MARCHF11: variants seen among roughly 807,000 people sequenced by gnomAD.
MARCHF11 encodes membrane associated ring-CH-type finger 11.
Under a neutral mutation model 37.3 loss-of-function variants are expected in MARCHF11, and 29 were observed. The ratio of observed to expected loss-of-function variants is 0.78; its 90% CI spans 0.58 to 1.06. The LOEUF (loss-of-function observed/expected upper bound fraction) is 1.06. Ranked by LOEUF, MARCHF11 falls within the 50% of genes least tolerant of loss-of-function variation. MARCHF11 has a pLI of 0.00. For synonymous variants in MARCHF11, 233 were observed against 228.0 expected (o/e 1.02, Z -0.20); for missense variants, 482 against 533.4 (o/e 0.90, Z 0.95).
chr5:16,103,721 C>T (rs1466944850), intron 2 of MARCHF11, among the ~76,000 whole-genome samples: 1 of 152,148 alleles, frequency 6.6e-6, no homozygotes, highest in East Asian at 1.9e-4. Flanking sequence ...TGTGTCAATT[C>T]CAAACACAGA....
intron 2 of MARCHF11, among the ~76,000 whole-genome samples, chr5:16,117,010 A>G (rs1049171092): frequency 6.6e-6 from 1 of 152,330 alleles, no homozygotes; most frequent in Non-Finnish European, 1.5e-5. Context: ...CATGCTGGAG[A>G]TTTTAATTTT....
chr5:16,161,991 T>C (rs149075207), intron 2 of MARCHF11, among the ~76,000 whole-genome samples: 1 of 152,170 alleles, frequency 6.6e-6, no homozygotes, highest in Admixed American at 6.6e-5. Context: ...TTTTCACTTG[T>C]TGTATTATCA....
chr5:16,164,301 T>G (rs1040502891), intron 2 of MARCHF11, among the ~76,000 whole-genome samples: 2 of 152,070 alleles, frequency 1.3e-5, no homozygotes, highest in African/African-American at 4.8e-5. Context: ...AACAGACAAC[T>G]CAACAGTAAT....
At chr5:16,126,332 G>A (rs1296706148) in intron 2 of MARCHF11, among the ~76,000 whole-genome samples, 1 of 152,286 alleles carries the variant, frequency 6.6e-6, no homozygotes, top group East Asian at 1.9e-4. Flanking sequence ...GAGGCAACAT[G>A]CCAAGAATGT....
intron 2 of MARCHF11, among the ~76,000 whole-genome samples, chr5:16,155,904 G>A (rs560009396): frequency 1.1e-3 from 166 of 152,014 alleles, no homozygotes; most frequent in African/African-American, 3.6e-3. Context: ...GTCAGCCTGT[G>A]AAACTGCACT....
chr5:16,137,440 C>T (rs1264638594), intron 2 of MARCHF11, among the ~76,000 whole-genome samples: 1 of 152,206 alleles, frequency 6.6e-6, no homozygotes, highest in Non-Finnish European at 1.5e-5. Context: ...ATGCAGCCTC[C>T]CCTGCCATGT....
At chr5:16,069,465 A>G (rs2126541927) in intron 3 of MARCHF11, among the ~76,000 whole-genome samples, 1 of 152,248 alleles carries the variant, frequency 6.6e-6, no homozygotes, top group African/African-American at 2.4e-5. Context: ...TTAATGCTCA[A>G]CATATTATTC....
chr5:16,179,149 A>T lies in MARCHF11; in HGVS notation c.427T>A (p.Ser143Thr). ...RGAGDQPETR[S>T]VCSSRSSSSG... ...CTGCTGCTGCGGCTGCTGCACACCGAGCGCGTCTCGGGCTGGTCTCCGGCG... is the reference window on the plus strand; with the variant it reads ...CTGCTGCTGCGGCTGCTGCACACCGTGCGCGTCTCGGGCTGGTCTCCGGCG... The change falls in exon 1 of 4, where the codon TCG becomes ACG. Residue 143 changes from serine to threonine, a missense_variant. Physicochemically the swap from Ser to Thr is moderately conservative, Grantham distance 58. Coordinates refer to ENST00000332432, the MANE Select transcript of MARCHF11 (RefSeq NM_001102562.3). 7 of 1,471,248 alleles carry T rather than the reference A, an allele frequency of 4.8e-6. No homozygotes were observed. Among genetic ancestry groups the T allele is most frequent in the Non-Finnish European group, 6.3e-6 (7 of 1,118,210 alleles). 91.1% of individuals were successfully genotyped at this position (1,471,248 alleles called of 1,614,324 possible). A position where few individuals can be genotyped will look rare whatever the true frequency, so the allele number is the denominator to read the frequency against.
chr5:16,160,444 C>A lies in MARCHF11; in HGVS notation c.693+17282G>T, dbSNP rs1738056062. Among the ~76,000 whole-genome samples the A allele has an allele frequency of 3.5e-5, 5 of 142,998 alleles. No individual in the cohort carries two copies. In the South Asian group the frequency reaches 6.6e-4, roughly 19 times the overall value. The allele number at this position is 142,998 out of a possible 152,430, so 93.8% of individuals were successfully genotyped here. On this transcript the variant is annotated intron_variant, in intron 2 of 3. Transcript: ENST00000332432. ...TATTTATAATAAAAATATAAAATAT[C>A]TTTTATATTTTAGAGATGTTTGCCA...
At chr5:16,166,030 T>C (rs1358494272) in intron 2 of MARCHF11, among the ~76,000 whole-genome samples, 1 of 152,126 alleles carries the variant, frequency 6.6e-6, no homozygotes, top group African/African-American at 2.4e-5. Context: ...TGTTTGATGA[T>C]TTATTTATAT....
At chr5:16,085,783 T>A (rs1358047677) in intron 3 of MARCHF11, among the ~76,000 whole-genome samples, 1 of 151,500 alleles carries the variant, frequency 6.6e-6, no homozygotes, top group African/African-American at 2.4e-5. Flanking sequence ...AAACCCCGTC[T>A]CTACTAAAAA....
At chr5:16,156,018 G>A (rs1269522070) in intron 2 of MARCHF11, among the ~76,000 whole-genome samples, 1 of 151,892 alleles carries the variant, frequency 6.6e-6, no homozygotes, top group East Asian at 1.9e-4. Flanking sequence ...GTTGAGATTA[G>A]CTTAAAGTAA....
intron 2 of MARCHF11, among the ~76,000 whole-genome samples, chr5:16,176,344 T>C (rs768094872): frequency 2.0e-5 from 3 of 152,170 alleles, no homozygotes; most frequent in Non-Finnish European, 2.9e-5. Flanking sequence ...ATAAAACTGT[T>C]GTAGATCCAA....
chr5:16,114,000 G>C (rs1353362726), intron 2 of MARCHF11, among the ~76,000 whole-genome samples: 3 of 152,038 alleles, frequency 2.0e-5, no homozygotes, highest in South Asian at 2.1e-4. Flanking sequence ...ACCTCTATGA[G>C]ATCAACTTTT....
intron 3 of MARCHF11, among the ~76,000 whole-genome samples, chr5:16,085,159 G>C (rs988402280): frequency 6.6e-6 from 1 of 152,016 alleles, no homozygotes; most frequent in Non-Finnish European, 1.5e-5. Context: ...ACTAAAAAGA[G>C]ACAAACTAAG....
intron 2 of MARCHF11, among the ~76,000 whole-genome samples, chr5:16,101,580 T>C (rs1315456242): frequency 1.3e-5 from 2 of 152,228 alleles, no homozygotes; most frequent in Non-Finnish European, 1.5e-5. Context: ...CTGCATGTGA[T>C]GCATTTTTAT....
chr5:16,122,803 AT>A (rs1452240169), intron 2 of MARCHF11, among the ~76,000 whole-genome samples: 2 of 152,170 alleles, frequency 1.3e-5, no homozygotes, highest in African/African-American at 4.8e-5. Flanking sequence ...AAAGCACATC[AT>A]CAAAGGAGAG....
At chr5:16,109,548 A>T (rs1451406763) in intron 2 of MARCHF11, among the ~76,000 whole-genome samples, 1 of 152,208 alleles carries the variant, frequency 6.6e-6, no homozygotes, top group African/African-American at 2.4e-5. Context: ...GATCTCTTCC[A>T]TTTGGCTGTT....
At chr5:16,091,619 TTATC>T (rs1297125538) in intron 2 of MARCHF11, among the ~76,000 whole-genome samples, 3 of 152,230 alleles carry the variant, frequency 2.0e-5, no homozygotes, top group Non-Finnish European at 2.9e-5. Context: ...AAATTGTACA[TTATC>T]TGTTATTGGT....
Sources: gnomAD v4.1 joint callset for allele counts (sites outside exome capture counted in the v4.1 genomes callset) on GRCh38, gnomAD v4.1.1 for gene constraint, MANE v1.5 for transcripts, NCBI Gene and HGNC (gene_info 2026-07-23, HGNC 2026-07-21) for gene names.